Variants in CCDC7 observed in about 807,000 individuals in gnomAD.
The protein encoded by CCDC7 is coiled-coil domain containing 7.
In CCDC7, 183 loss-of-function variants were observed where a neutral mutation model predicts 196.9. The ratio of observed to expected loss-of-function variants is 0.93; its 90% CI spans 0.82 to 1.05. CCDC7 has a LOEUF of 1.05. Ranked by LOEUF, CCDC7 falls within the 50% of genes least tolerant of loss-of-function variation. The probability of loss-of-function intolerance (pLI) is 0.00; values close to 1 mark genes in which losing one functional copy is unlikely to be tolerated. For missense variants in CCDC7, 1,540 were observed against 1,482.2 expected, an observed-to-expected ratio of 1.04 and a Z score of -0.64; for synonymous variants, 525 against 484.6, an observed-to-expected ratio of 1.08 and a Z score of -1.10.
intron 20 of CCDC7, among the ~76,000 whole-genome samples, chr10:32,647,780 CTGTT>C (rs1211130966): frequency 3.9e-5 from 6 of 152,252 alleles, no homozygotes; most frequent in Non-Finnish European, 7.4e-5. Context: ...TATAGATTGT[CTGTT>C]TGCTCTGTTG....
At chr10:32,680,768 G>T (rs1038756208) in intron 21 of CCDC7, among the ~76,000 whole-genome samples, 1 of 152,154 alleles carries the variant, frequency 6.6e-6, no homozygotes, top group Non-Finnish European at 1.5e-5. Context: ...CTTAAAAAAT[G>T]TACTTCTTTC....
At chr10:32,740,321 A>G (rs2085613263) in intron 28 of CCDC7, among the ~76,000 whole-genome samples, 1 of 152,238 alleles carries the variant, frequency 6.6e-6, no homozygotes, top group Admixed American at 6.6e-5. Flanking sequence ...TTTCTTTAAT[A>G]TAATTAATGA....
At chr10:32,461,906 G>A (rs2035833149) in intron 3 of CCDC7, among the ~76,000 whole-genome samples, 1 of 151,240 alleles carries the variant, frequency 6.6e-6, no homozygotes, top group Admixed American at 6.6e-5. Context: ...TGAATAGCTG[G>A]GATTACAGGC....
At chr10:32,479,652 T>G (rs1235756201) in intron 8 of CCDC7, among the ~76,000 whole-genome samples, 1 of 152,204 alleles carries the variant, frequency 6.6e-6, no homozygotes, top group Non-Finnish European at 1.5e-5. Context: ...TCAGAGATAT[T>G]GGACTGTGTT....
At chr10:32,842,003 G>T (rs746747633) in intron 33 of CCDC7, among the ~76,000 whole-genome samples, 11 of 151,960 alleles carry the variant, frequency 7.2e-5, no homozygotes, top group Non-Finnish European at 1.2e-4. Flanking sequence ...GCTTCTAGAA[G>T]ATAACATTGG....
At chr10:32,735,929 C>T (rs1449555182) in intron 28 of CCDC7, among the ~76,000 whole-genome samples, 2 of 151,980 alleles carry the variant, frequency 1.3e-5, no homozygotes, top group Non-Finnish European at 2.9e-5. Context: ...GAAAAGAGTC[C>T]TTTATTGAAT....
chr10:32,837,639 G>A (rs1329752784), intron 33 of CCDC7, among the ~76,000 whole-genome samples: 8 of 152,040 alleles, frequency 5.3e-5, no homozygotes, highest in South Asian at 2.1e-4. Flanking sequence ...TGTTTATTGC[G>A]GCACTATTCA....
chr10:32,757,476 G>A (rs1285809092), intron 28 of CCDC7, among the ~76,000 whole-genome samples: 2 of 152,124 alleles, frequency 1.3e-5, no homozygotes, highest in East Asian at 1.9e-4. Context: ...CTACATGGAG[G>A]CTAAACAATC....
rs189000727 is a variant in CCDC7, at chr10:32,678,075, G to A, written c.2123-7895G>A. The stretch of plus-strand genomic sequence containing the variant: ...TCTGTTGGTTTACATTTTTATGGTT[G>A]GTAAGTCTTTGTTGAATCTCTCATT... On this transcript the variant is annotated intron_variant, in intron 21 of 41. Coordinates refer to ENST00000639629, the Ensembl canonical transcript of CCDC7. Among the ~76,000 whole-genome samples the A allele has an allele frequency of 1.7e-4, 26 of 151,872 alleles. 1 individual carries two copies. Among genetic ancestry groups the A allele is most frequent in the Admixed American group, 1.7e-3 (26 of 15,238 alleles).
intron 23 of CCDC7, among the ~76,000 whole-genome samples, chr10:32,693,643 T>A (rs1197249489): frequency 6.6e-6 from 1 of 152,160 alleles, no homozygotes; most frequent in Non-Finnish European, 1.5e-5. Context: ...CATTGTTTGA[T>A]TATAATGTTA....
intron 18 of CCDC7, among the ~76,000 whole-genome samples, chr10:32,587,995 A>G (rs1386980075): frequency 1.3e-5 from 2 of 152,310 alleles, no homozygotes; most frequent in African/African-American, 4.8e-5. Context: ...ACATGAATAA[A>G]TTAATCCATT....
chr10:32,871,559 A>G (rs866892271), intron 41 of CCDC7, among the ~76,000 whole-genome samples: 4 of 151,122 alleles, frequency 2.6e-5, no homozygotes, highest in Non-Finnish European at 5.9e-5. Flanking sequence ...CAGCTCCTGG[A>G]TTCATTGATT....
intron 8 of CCDC7, among the ~76,000 whole-genome samples, chr10:32,475,289 T>G (rs770009076): frequency 1.3e-5 from 2 of 152,230 alleles, no homozygotes; most frequent in Non-Finnish European, 2.9e-5. Flanking sequence ...GACAGCAAAC[T>G]GGGGTCATCA....
intron 11 of CCDC7, among the ~76,000 whole-genome samples, chr10:32,524,352 A>G (rs2048349811): frequency 6.6e-6 from 1 of 152,058 alleles, no homozygotes; most frequent in Non-Finnish European, 1.5e-5. Flanking sequence ...AAGCTGGTAT[A>G]GTTATTATTT....
chr10:32,588,756 A>G (rs1379554477), intron 18 of CCDC7, among the ~76,000 whole-genome samples: 1 of 152,136 alleles, frequency 6.6e-6, no homozygotes, highest in Admixed American at 6.5e-5. Flanking sequence ...AGAATTCATC[A>G]GTGAGGCCAT....
chr10:32,457,149 C>T (rs2034537875), intron 3 of CCDC7, among the ~76,000 whole-genome samples: 2 of 152,134 alleles, frequency 1.3e-5, no homozygotes, highest in African/African-American at 2.4e-5. Context: ...TCCTCCCTCA[C>T]CCCTACCCTT....
At chr10:32,643,260 T>A (rs1470729714) in intron 20 of CCDC7, among the ~76,000 whole-genome samples, 1 of 152,174 alleles carries the variant, frequency 6.6e-6, no homozygotes, top group Admixed American at 6.5e-5. Context: ...AAAGGAACCT[T>A]CTGAATCTCT....
At chr10:32,756,011 T>C (rs1311848733) in intron 28 of CCDC7, among the ~76,000 whole-genome samples, 1 of 152,048 alleles carries the variant, frequency 6.6e-6, no homozygotes, top group African/African-American at 2.4e-5. Context: ...GTATCAGTGA[T>C]CGAAGATCAA....
At chr10:32,739,604 C>G (rs12269390) in intron 28 of CCDC7, among the ~76,000 whole-genome samples, 1 of 151,202 alleles carries the variant, frequency 6.6e-6, no homozygotes, top group Non-Finnish European at 1.5e-5. Flanking sequence ...TTGAAAAATT[C>G]TGCCATATCT....
Sources: allele counts gnomAD v4.1 joint callset (sites outside exome capture counted in the v4.1 genomes callset), GRCh38; gene constraint gnomAD v4.1.1; transcripts MANE v1.5; gene names NCBI Gene and HGNC (gene_info 2026-07-23, HGNC 2026-07-21).